The following MAST3 variants were observed in gnomAD, a reference collection of about 807,000 sequenced individuals.
MAST3 encodes microtubule associated serine/threonine kinase 3.
In MAST3, 43 loss-of-function variants were observed where a neutral mutation model predicts 127.0. That is an observed-to-expected ratio of 0.34 (90% CI 0.27 to 0.44). The LOEUF (loss-of-function observed/expected upper bound fraction) is 0.44. Among genes scored for constraint, MAST3 ranks in the 20% least tolerant of loss-of-function variants. The probability of loss-of-function intolerance (pLI) is 1.00; values close to 1 mark genes in which losing one functional copy is unlikely to be tolerated. For missense variants in MAST3, 1,390 were observed against 1,919.1 expected, an observed-to-expected ratio of 0.72 and a Z score of 5.15; for synonymous variants, 785 against 809.2, an observed-to-expected ratio of 0.97 and a Z score of 0.51.
rs750002560 is a variant in MAST3 at position 18,128,944 on chromosome 19, G to C, written c.1216G>C (p.Ala406Pro). Residue 406 changes from alanine to proline, a missense_variant, in exon 13 of 28, where the codon GCC (alanine) becomes CCC (proline). Ala to Pro is a conservative substitution (Grantham distance 27). Around this residue, in one of 5 missense-constraint regions of MAST3, gnomAD observed 277 missense variants for 384.8 expected, o/e 0.72. Transcript: ENST00000687212. ...GACCATCAAACTCATTAGCAACGGA[G>C]CCTATGGGTGAGTCCCTGAGTCCTG... is the stretch of plus-strand genomic sequence containing the variant. ...FETIKLISNG[A>P]YGAVYLVRHR... 1 of 1,613,924 alleles carries C rather than the reference G, an allele frequency of 6.2e-7. No individual in the cohort carries two copies. The highest frequency in any genetic ancestry group is 1.1e-5 in the South Asian group (1 of 91,090).
chr19:18,100,123 TCTC>T (rs1390735723), intron 1 of MAST3, among the ~76,000 whole-genome samples: 92 of 113,882 alleles, frequency 8.1e-4, no homozygotes, highest in Middle Eastern at 4.7e-3. Flanking sequence ...TCTCTCTCTC[TCTC>T]TCTTTTTTTT....
Position 18,124,768 on chromosome 19 carries a change from CT to C in MAST3, c.1073del (p.Leu358ArgfsTer7). Reference protein sequence around the residue: ...IGQLGLAKDPLEEMVPLSHLE... With the variant: ...IGQLGLAKDPXEEMVPLSHLE... Reference sequence around the variant, plus strand: ...GCAGCTGGGCCTGGCCAAGGACCCCCTGGAGGGTAAGCCGGGATGGGAAGAG... The same window carrying C: ...GCAGCTGGGCCTGGCCAAGGACCCCCGGAGGGTAAGCCGGGATGGGAAGAG... On this transcript the variant is annotated frameshift_variant, in exon 11 of 28. Transcript: ENST00000687212. LOFTEE classifies it high-confidence loss of function. The C allele has an allele frequency of 6.3e-7, 1 of 1,594,254 alleles. No homozygotes were observed. Among genetic ancestry groups the C allele is most frequent in the Non-Finnish European group, 8.5e-7 (1 of 1,170,292 alleles).
chr19:18,136,361 G>C (rs868456771), intron 18 of MAST3, among the ~76,000 whole-genome samples: 18 of 152,154 alleles, frequency 1.2e-4, no homozygotes, highest in African/African-American at 3.9e-4. Context: ...TAGGCGGTGT[G>C]GTCCCAGATG....
intron 11 of MAST3, among the ~76,000 whole-genome samples, chr19:18,125,032 A>G (rs879774079): frequency 6.6e-6 from 1 of 151,952 alleles, no homozygotes; most frequent in Non-Finnish European, 1.5e-5. Context: ...GCTTGAACTC[A>G]GGAGATGGAG....
chr19:18,129,929 A>AG (rs1166044755), intron 13 of MAST3, among the ~76,000 whole-genome samples: 1 of 149,956 alleles, frequency 6.7e-6, no homozygotes, highest in African/African-American at 2.5e-5. Flanking sequence ...TCTCAAAAAA[A>AG]AAAAAAAAGG....
At chr19:18,135,279 A>G (rs1453277842) in intron 17 of MAST3, among the ~76,000 whole-genome samples, 1 of 152,132 alleles carries the variant, frequency 6.6e-6, no homozygotes, top group Non-Finnish European at 1.5e-5. Context: ...AGCCTGGACA[A>G]CATGGTGAAA....
chr19:18,144,861 C>A lies in MAST3; in HGVS notation c.2813-142C>A. Reference sequence around the variant, plus strand: ...GGTGTTCCCAGTAGAGGGCACTGCACGTGCAAAGGCCTGGTGGGGTGACCA... The same window carrying A: ...GGTGTTCCCAGTAGAGGGCACTGCAAGTGCAAAGGCCTGGTGGGGTGACCA... On this transcript the variant is annotated intron_variant, in intron 23 of 27. Transcript: ENST00000687212. This position sits in a 1 kb window ranked among gnomAD's most constrained non-coding sequence, Gnocchi z 4.0. The A allele has an allele frequency of 1.2e-6, 1 of 863,780 alleles. No individual in the cohort carries two copies. The highest frequency in any genetic ancestry group is 1.9e-6 in the Non-Finnish European group (1 of 537,994). The allele number at this position is 863,780 out of a possible 1,614,324, so 53.5% of individuals were successfully genotyped here.
At position 18,147,549 on chromosome 19, in the gene MAST3, C is replaced by A. The variant is rs1208263534; in HGVS notation, c.3433C>A (p.Pro1145Thr). The part of the protein sequence containing the change: ...HHSLSSSESL[P>T]GSPTHSLSPS... Reference sequence around the variant, plus strand: ...CTCACTGTCATCCAGTGAGAGCCTCCCCGGCTCGCCCACCCACAGCCTCTC... The same window carrying A: ...CTCACTGTCATCCAGTGAGAGCCTCACCGGCTCGCCCACCCACAGCCTCTC... Residue 1145 changes from proline to threonine, a missense_variant, in exon 27 of 28, where the codon CCC becomes ACC. Physicochemically the swap from Pro to Thr is conservative, Grantham distance 38. Around this residue, in one of 5 missense-constraint regions of MAST3, gnomAD observed 816 missense variants for 934.1 expected, o/e 0.87. Coordinates refer to ENST00000687212, the MANE Select transcript of MAST3 (RefSeq NM_001393504.1). The A allele has an allele frequency of 6.3e-7, 1 of 1,596,912 alleles. No homozygotes were observed. Among genetic ancestry groups the A allele is most frequent in the Non-Finnish European group, 8.5e-7 (1 of 1,172,274 alleles).
Position 18,146,969 on chromosome 19 carries a change from G to C in MAST3, c.3251G>C (p.Arg1084Pro), listed in dbSNP as rs368347245. 1.9e-6 allele frequency: 3 copies of C among 1,564,450 alleles called. No homozygotes were observed. The highest frequency in any genetic ancestry group is 2.6e-6 in the Non-Finnish European group (3 of 1,154,588). ...GCCCGGAAGAATGTGGCCAAGGGCC[G>C]CATGGCACGCAGGAGCAAGAGGAGC... ...GPARKNVAKG[R>P]MARRSKRSRR... The change falls in exon 26 of 28, where the codon CGC becomes CCC. Residue 1084 changes from arginine to proline, a missense_variant. Arg to Pro is a moderately radical substitution (Grantham distance 103, BLOSUM62 -2). Coordinates refer to ENST00000687212, the MANE Select transcript of MAST3 (RefSeq NM_001393504.1).
At chr19:18,124,932 C>CCT (rs1555798749) in intron 11 of MAST3, among the ~76,000 whole-genome samples, 158 bp downstream of exon 11, 1 of 15,944 alleles carries the variant, frequency 6.3e-5, no homozygotes, top group African/African-American at 6.1e-4. Flanking sequence ...ATGGTGGAAA[C>CCT]CCCCCCCCTA....
chr19:18,120,786 G>A (rs1232617791), intron 3 of MAST3, among the ~76,000 whole-genome samples: 1 of 151,964 alleles, frequency 6.6e-6, no homozygotes, highest in Admixed American at 6.6e-5. Flanking sequence ...GAGTGTAACG[G>A]CACGATCTCA....
chr19:18,108,431 T>A (rs1460111040), intron 2 of MAST3, among the ~76,000 whole-genome samples: 1 of 151,624 alleles, frequency 6.6e-6, no homozygotes. Flanking sequence ...TACAGTGCAG[T>A]AGTGTCATCT....
rs781117372 is a variant in MAST3 at position 18,144,007 on chromosome 19, G to A, written c.2584G>A (p.Ala862Thr). 2.2e-5 allele frequency: 35 copies of A among 1,559,144 alleles called. No homozygotes were observed. The highest frequency in any genetic ancestry group is 3.0e-5 in the Non-Finnish European group (34 of 1,151,366). The change falls in exon 22 of 28, where the codon GCC (alanine) becomes ACC (threonine). Residue 862 changes from alanine (A) to threonine (T), a missense_variant and splice_region_variant. This residue lies in a region of MAST3 where 816 missense variants were observed against 934.1 expected (regional missense o/e 0.87). Transcript: ENST00000687212. The surrounding 1 kb of genome is among the most constrained non-coding windows in gnomAD (Gnocchi z 4.0). ...GATGCCCAAGCCCTCGAGCCTTTCT[G>A]GTAAGTGGGGCCCTGAGTAAGAGGG... ...PVMPKPSSLS[A>T]DTAALSHARL...
At chr19:18,125,063 C>T (rs56345159) in intron 11 of MAST3, among the ~76,000 whole-genome samples, 33,552 of 151,906 alleles carry the variant, frequency 0.22, 3,725 homozygotes, top group Non-Finnish European at 0.25. Flanking sequence ...GCTGAGATCG[C>T]GCCACTGCAC....
At chr19:18,142,203 A>G (rs2042565397) in intron 21 of MAST3, among the ~76,000 whole-genome samples, 188 bp downstream of exon 21, 1 of 152,024 alleles carries the variant, frequency 6.6e-6, no homozygotes, top group Admixed American at 6.6e-5. Context: ...GCAAACATAA[A>G]ACAGCTGTGT....
chr19:18,144,545 T>A lies in MAST3; in HGVS notation c.2664T>A (p.Asp888Glu). The change falls in exon 23 of 28, where the codon GAT becomes GAA. Residue 888 changes from aspartate (D) to glutamate (E), a missense_variant. This residue lies in a region of MAST3 where 816 missense variants were observed against 934.1 expected (regional missense o/e 0.87). Coordinates refer to ENST00000687212, the MANE Select transcript of MAST3 (RefSeq NM_001393504.1). This position sits in a 1 kb window ranked among gnomAD's most constrained non-coding sequence, Gnocchi z 4.0. ...GARHSTPRPLDAGRGRRLGGP... is the reference protein window; with the variant it reads ...GARHSTPRPLEAGRGRRLGGP... ...GACACTCCACACCAAGGCCTCTGGA[T>A]GCCGGCCGGGGCCGCCGCCTTGGGG... The A allele has an allele frequency of 1.2e-6, 2 of 1,610,832 alleles. No individual in the cohort carries two copies. Among genetic ancestry groups the A allele is most frequent in the Non-Finnish European group, 1.7e-6 (2 of 1,179,412 alleles).
intron 20 of MAST3, 29 bp from the exon 21 acceptor site, chr19:18,141,853 G>A: frequency 7.2e-7 from 1 of 1,380,248 alleles, no homozygotes; most frequent in Non-Finnish European, 9.5e-7. Flanking sequence ...ACCGCACCCG[G>A]CTTACCATTC....
intron 18 of MAST3, 68 bp downstream of exon 18, chr19:18,135,909 A>AT: frequency 8.0e-7 from 1 of 1,243,478 alleles, no homozygotes; most frequent in East Asian, 2.6e-5. Flanking sequence ...GAATGGAGGG[A>AT]TAGCGCCCGG....
chr19:18,145,255 G>A lies in MAST3; in HGVS notation c.3039+26G>A. 1 of 1,603,512 alleles carries A rather than the reference G, an allele frequency of 6.2e-7. No homozygotes were observed. The highest frequency in any genetic ancestry group is 8.5e-7 in the Non-Finnish European group (1 of 1,170,788). ...GTGAGTGCCGAGTGGGAATGGCAGGGACCCGGGTTCTAGTTTGACTCTGCC... is the reference window on the plus strand; with the variant it reads ...GTGAGTGCCGAGTGGGAATGGCAGGAACCCGGGTTCTAGTTTGACTCTGCC... On this transcript the variant is annotated intron_variant, in intron 24 of 27. Transcript: ENST00000687212. This position sits in a 1 kb window ranked among gnomAD's most constrained non-coding sequence, Gnocchi z 5.9.
Sources: gnomAD v4.1 joint callset for allele counts (sites outside exome capture counted in the v4.1 genomes callset) on GRCh38, gnomAD v4.1.1 for gene constraint, gnomAD v4.1.1 regional missense constraint, Gnocchi (gnomAD v3.1) non-coding constraint, MANE v1.5 for transcripts, NCBI Gene and HGNC (gene_info 2026-07-23, HGNC 2026-07-21) for gene names.